The following IQCM variants were observed in gnomAD, a reference collection of about 807,000 sequenced individuals.
IQCM encodes IQ motif containing M.
Under a neutral mutation model 57.6 loss-of-function variants are expected in IQCM, and 45 were observed. The ratio of observed to expected loss-of-function variants is 0.78; its 90% confidence interval spans 0.62 to 1.00. The LOEUF is 1.00. Among genes scored for constraint, IQCM ranks in the 50% least tolerant of loss-of-function variants. IQCM has a pLI of 0.00. For synonymous variants in IQCM, 148 were observed against 158.9 expected (o/e 0.93, Z 0.51); for missense variants, 468 against 511.6 (o/e 0.91, Z 0.82).
chr4:149,446,350 A>G (rs1423276935), intron 12 of IQCM, among the ~76,000 whole-genome samples: 1 of 151,774 alleles, frequency 6.6e-6, no homozygotes, highest in South Asian at 2.1e-4. Context: ...AATTGAATCC[A>G]TGATGCTACT....
intron 8 of IQCM, among the ~76,000 whole-genome samples, chr4:149,591,455 G>GT (rs201807255): frequency 0.02 from 2,932 of 146,552 alleles, 85 homozygotes; most frequent in South Asian, 0.15. Flanking sequence ...GTGGTTAAAG[G>GT]TTTTTTTTTT....
chr4:149,650,641 C>T (rs867940833), intron 7 of IQCM, among the ~76,000 whole-genome samples: 20 of 152,200 alleles, frequency 1.3e-4, no homozygotes, highest in South Asian at 8.3e-4. Context: ...ACACCCACCT[C>T]GACCTCCCAA....
At chr4:149,509,827 T>C (rs1439669572) in intron 12 of IQCM, among the ~76,000 whole-genome samples, 1 of 152,126 alleles carries the variant, frequency 6.6e-6, no homozygotes, top group East Asian at 1.9e-4. Context: ...ACCTTGATTC[T>C]AATTCATCCA....
chr4:149,787,284 TG>T (rs1427495492), intron 2 of IQCM, among the ~76,000 whole-genome samples: 5 of 151,616 alleles, frequency 3.3e-5, no homozygotes, highest in African/African-American at 4.8e-5. Context: ...ATCCTGGGTT[TG>T]TTTTTTTTTT....
chr4:149,537,556 G>T (rs1003361506), intron 12 of IQCM, among the ~76,000 whole-genome samples: 1 of 151,964 alleles, frequency 6.6e-6, no homozygotes, highest in Admixed American at 6.6e-5. Context: ...AAATATATTG[G>T]CTGAAAATTG....
intron 13 of IQCM, among the ~76,000 whole-genome samples, chr4:149,428,122 A>G (rs983736633): frequency 2.0e-5 from 3 of 151,870 alleles, no homozygotes; most frequent in African/African-American, 7.2e-5. Context: ...CCTACAGAAC[A>G]CTTCAAAGAA....
chr4:149,677,538 TAAAAG>T (rs1387754152), intron 7 of IQCM, among the ~76,000 whole-genome samples: 1 of 151,798 alleles, frequency 6.6e-6, no homozygotes, highest in African/African-American at 2.4e-5. Context: ...AATAAAAAAA[TAAAAG>T]AAGCAAGACA....
chr4:149,777,386 T>C (rs1381108064), intron 2 of IQCM, among the ~76,000 whole-genome samples: 1 of 152,220 alleles, frequency 6.6e-6, no homozygotes, highest in Non-Finnish European at 1.5e-5. Context: ...GGTTCATAAC[T>C]GGCTTTCTAA....
At chr4:149,582,819 T>C (rs2149989636) in intron 9 of IQCM, among the ~76,000 whole-genome samples, 1 of 151,702 alleles carries the variant, frequency 6.6e-6, no homozygotes, top group South Asian at 2.1e-4. Context: ...TAACTTTCCA[T>C]TCATAGGTAA....
In IQCM at chr4:149,669,067, T is replaced by C. The variant is rs1579930927; in HGVS notation, c.565+13051A>G. The stretch of plus-strand genomic sequence containing the variant: ...AACTGATAGAAGATGTCTTCCACAA[T>C]GGTTGAATTAGTTTACAGTCCCACC... On this transcript the variant is annotated intron_variant, in intron 7 of 13. Transcript: ENST00000636793. Among the ~76,000 whole-genome samples, 3 of 152,314 alleles carry C rather than the reference T, an allele frequency of 2.0e-5. No individual in the cohort carries two copies. In the South Asian group the frequency reaches 6.2e-4, roughly 32 times the overall value.
chr4:149,670,079 T>A (rs1382951406), intron 7 of IQCM, among the ~76,000 whole-genome samples: 1 of 152,192 alleles, frequency 6.6e-6, no homozygotes, highest in Non-Finnish European at 1.5e-5. Flanking sequence ...GTAAGGCCAT[T>A]TTCAAAATAT....
intron 12 of IQCM, among the ~76,000 whole-genome samples, chr4:149,506,733 G>A (rs1743854183): frequency 6.6e-6 from 1 of 152,152 alleles, no homozygotes; most frequent in African/African-American, 2.4e-5. Flanking sequence ...GCAACAGTTA[G>A]ACATCTGTTA....
At chr4:149,719,183 A>C (rs1765236127) in intron 5 of IQCM, among the ~76,000 whole-genome samples, 1 of 151,886 alleles carries the variant, frequency 6.6e-6, no homozygotes, top group African/African-American at 2.4e-5. Flanking sequence ...CATCTCTACT[A>C]AAAATACAAA....
intron 12 of IQCM, among the ~76,000 whole-genome samples, chr4:149,477,096 T>G (rs1186459146): frequency 2.0e-5 from 3 of 152,100 alleles, no homozygotes; most frequent in Non-Finnish European, 4.4e-5. Context: ...AAATTAAGGG[T>G]AAAATAAGTA....
intron 12 of IQCM, among the ~76,000 whole-genome samples, chr4:149,507,556 T>C (rs758742827): frequency 1.3e-5 from 2 of 152,140 alleles, no homozygotes; most frequent in Admixed American, 6.6e-5. Flanking sequence ...CCCTAGAGAT[T>C]TGTGGAACTT....
At chr4:149,388,417 C>T (rs753214154) in intron 13 of IQCM, among the ~76,000 whole-genome samples, 2 of 149,446 alleles carry the variant, frequency 1.3e-5, no homozygotes, top group Non-Finnish European at 3.0e-5. Context: ...TTTCACTATG[C>T]TTTTGATTTT....
chr4:149,762,176 G>A (rs993651055), intron 2 of IQCM, among the ~76,000 whole-genome samples: 3 of 151,446 alleles, frequency 2.0e-5, no homozygotes, highest in Admixed American at 2.0e-4. Flanking sequence ...AAAGGTGCAA[G>A]CTTCCCAAAA....
intron 13 of IQCM, among the ~76,000 whole-genome samples, chr4:149,394,756 A>G (rs1215469061): frequency 1.3e-5 from 2 of 152,010 alleles, no homozygotes; most frequent in Non-Finnish European, 2.9e-5. Flanking sequence ...CACAGTAGCA[A>G]TTACATCACA....
At chr4:149,500,414 C>T (rs755394161) in intron 12 of IQCM, among the ~76,000 whole-genome samples, 71 of 152,176 alleles carry the variant, frequency 4.7e-4, no homozygotes, top group Non-Finnish European at 9.3e-4. Flanking sequence ...TTCAAGATAA[C>T]AGAGAAGAAA....
Sources: gnomAD v4.1 joint callset for allele counts (sites outside exome capture counted in the v4.1 genomes callset) on GRCh38, gnomAD v4.1.1 for gene constraint, MANE v1.5 for transcripts, NCBI Gene and HGNC (gene_info 2026-07-23, HGNC 2026-07-21) for gene names.